The following NID1 variants were observed in gnomAD, a reference collection of about 807,000 sequenced individuals.
The protein encoded by NID1 is nidogen 1.
NID1 carries 76 observed loss-of-function variants against 130.6 expected under a neutral mutation model. The observed-to-expected ratio is 0.58, with a 90% confidence interval of 0.48 to 0.70. The LOEUF (loss-of-function observed/expected upper bound fraction) is 0.70. Ranked by LOEUF, NID1 falls within the 30% of genes least tolerant of loss-of-function variation. The probability of loss-of-function intolerance (pLI) is 0.00; values close to 1 mark genes in which losing one functional copy is unlikely to be tolerated. For synonymous variants in NID1, 665 were observed against 675.1 expected, an observed-to-expected ratio of 0.98 and a Z score of 0.23; for missense variants, 1,517 against 1,664.8, an observed-to-expected ratio of 0.91 and a Z score of 1.54.
chr1:235,993,763 A>T lies in NID1; in HGVS notation c.2637T>A (p.Asp879Glu), dbSNP rs936095860. 4 of 1,614,042 alleles carry T rather than the reference A, an allele frequency of 2.5e-6. No homozygotes were observed. Among genetic ancestry groups the T allele is most frequent in the Non-Finnish European group, 3.4e-6 (4 of 1,179,998 alleles). ...GGGTGGGCGCGTAGTGCCCGTGCGCATCGCACTCAGGAACGAACAGCCCCG... is the reference window on the plus strand; with the variant it reads ...GGGTGGGCGCGTAGTGCCCGTGCGCTTCGCACTCAGGAACGAACAGCCCCG... ...IPPGLFVPEC[D>E]AHGHYAPTQC... Residue 879 changes from aspartate (D) to glutamate (E), a missense_variant, in exon 13 of 20, where the codon GAT becomes GAA. Around this residue, in one of 3 missense-constraint regions of NID1, gnomAD observed 1,329 missense variants for 1,429.2 expected, o/e 0.93. Transcript: ENST00000264187.
intron 1 of NID1, chr1:236,064,520 A>C: frequency 3.7e-6 from 1 of 272,340 alleles, no homozygotes; most frequent in South Asian, 4.5e-5. Flanking sequence ...CCCCGAAGGG[A>C]CTGGACAGCC....
chr1:236,039,997 C>T (rs1028647377), intron 4 of NID1, among the ~76,000 whole-genome samples: 1 of 152,154 alleles, frequency 6.6e-6, no homozygotes, highest in African/African-American at 2.4e-5. Context: ...GACAGGAAAA[C>T]ATCTGTTTTA....
intron 1 of NID1, among the ~76,000 whole-genome samples, chr1:236,052,886 G>A (rs559260574): frequency 6.6e-6 from 1 of 151,980 alleles, no homozygotes; most frequent in Non-Finnish European, 1.5e-5. Flanking sequence ...ACTGGAATAA[G>A]CAGCTGGAAA....
intron 2 of NID1, among the ~76,000 whole-genome samples, chr1:236,047,908 C>T (rs1162075370): frequency 6.6e-6 from 1 of 151,328 alleles, no homozygotes; most frequent in African/African-American, 2.4e-5. Context: ...TGCCTGTAAT[C>T]CCAGCTACTC....
At chr1:236,061,045 A>AT (rs1660023708) in intron 1 of NID1, among the ~76,000 whole-genome samples, 1 of 152,254 alleles carries the variant, frequency 6.6e-6, no homozygotes, top group African/African-American at 2.4e-5. Flanking sequence ...AATGAACAGT[A>AT]TATCAGTGTT....
rs761195970 is a variant in NID1 at position 235,980,615 on chromosome 1, T to C, written c.3266A>G (p.Lys1089Arg). The C allele has an allele frequency of 1.9e-6, 3 of 1,614,060 alleles. No homozygotes were observed. The highest frequency in any genetic ancestry group is 2.7e-5 in the African/African-American group (2 of 74,912). Residue 1089 changes from lysine to arginine, a missense_variant, in exon 17 of 20, where the codon AAG (lysine) becomes AGG (arginine). Around this residue, in one of 3 missense-constraint regions of NID1, gnomAD observed 181 missense variants for 211.3 expected, o/e 0.86. Coordinates refer to ENST00000264187, the MANE Select transcript of NID1 (RefSeq NM_002508.3). ...YWTDWNRDNP[K>R]IETSYMDGTN... ...GCCGTCCATGTAGGAAGTTTCAATC[T>C]TGGGGTTATCTCTGTTCCAGTCTGT... is the stretch of plus-strand genomic sequence containing the variant.
At chr1:235,982,870 G>T (rs1558420302) in intron 15 of NID1, among the ~76,000 whole-genome samples, 2 of 151,904 alleles carry the variant, frequency 1.3e-5, no homozygotes, top group African/African-American at 4.8e-5. Context: ...AATACTGTGG[G>T]TTTTTTTGTT....
chr1:236,051,426 C>A (rs1212247875), intron 1 of NID1, among the ~76,000 whole-genome samples: 1 of 152,298 alleles, frequency 6.6e-6, no homozygotes, highest in African/African-American at 2.4e-5. Flanking sequence ...GTTCAATGTG[C>A]AGAACCGATT....
At chr1:235,996,928 G>A (rs567881023) in intron 12 of NID1, among the ~76,000 whole-genome samples, 2 of 151,958 alleles carry the variant, frequency 1.3e-5, no homozygotes, top group South Asian at 2.1e-4. Context: ...TCTGCCTCCC[G>A]GGTTCAAGCG....
At position 236,017,011 on chromosome 1, in the gene NID1, T is replaced by C. The variant is rs937660348; in HGVS notation, c.2254+137A>G. ...ATAGTTGGAGGGCAGAGGCTAAGTC[T>C]GATTCATCTTTATAAATTGCTCTTC... On this transcript the variant is annotated intron_variant, in intron 10 of 19. Coordinates refer to ENST00000264187, the MANE Select transcript of NID1 (RefSeq NM_002508.3). 10 of 1,103,030 alleles carry C rather than the reference T, an allele frequency of 9.1e-6. No homozygotes were observed. In the African/African-American group the frequency reaches 1.4e-4, roughly 15 times the overall value. The allele number at this position is 1,103,030 out of a possible 1,614,324, so 68.3% of individuals were successfully genotyped here.
intron 14 of NID1, 135 bp downstream of exon 14, chr1:235,990,751 T>G: frequency 1.1e-6 from 1 of 890,512 alleles, no homozygotes; most frequent in Non-Finnish European, 1.8e-6. Flanking sequence ...CTAGAGATGG[T>G]CACCCAGGAC....
Position 236,042,187 on chromosome 1 carries a change from C to T in NID1, c.858G>A (p.Gly286=). 3.1e-6 allele frequency: 5 copies of T among 1,613,942 alleles called. No individual in the cohort carries two copies. Among genetic ancestry groups the T allele is most frequent in the Non-Finnish European group, 4.2e-6 (5 of 1,180,024 alleles). Residue 286 remains glycine, a synonymous_variant, in exon 4 of 20, where the codon GGG becomes GGA. Transcript: ENST00000264187. ...CTTCATCCTCATCATCATACTCTGC[C>T]CCATCTTCAGTTCCGAGGATCACGT... ...PADVILGTED[G]AEYDDEDEDY...
At position 235,985,453 on chromosome 1, in the gene NID1, C is replaced by A. The variant is rs764771388; in HGVS notation, c.2981G>T (p.Trp994Leu). ...AATGGAAGGCTCAGTGATGTCCGTC[C>A]AGTAAACCATCTTGTCCACGCAGTC... ...AFDCVDKMVY[W>L]TDITEPSIGR... Residue 994 changes from tryptophan to leucine, a missense_variant, in exon 15 of 20, where the codon TGG becomes TTG. Around this residue, in one of 3 missense-constraint regions of NID1, gnomAD observed 1,329 missense variants for 1,429.2 expected, o/e 0.93. Coordinates refer to ENST00000264187, the MANE Select transcript of NID1 (RefSeq NM_002508.3). The A allele has an allele frequency of 6.2e-7, 1 of 1,614,018 alleles. No homozygotes were observed. Among genetic ancestry groups the A allele is most frequent in the African/African-American group, 1.3e-5 (1 of 74,932 alleles).
At chr1:236,018,232 C>T (rs1658658135) in intron 9 of NID1, among the ~76,000 whole-genome samples, 1 of 152,204 alleles carries the variant, frequency 6.6e-6, no homozygotes. Context: ...CTTCCTTTAG[C>T]TATTAACTTG....
intron 15 of NID1, among the ~76,000 whole-genome samples, chr1:235,983,822 A>G (rs1175306277): frequency 1.3e-5 from 2 of 152,132 alleles, no homozygotes; most frequent in African/African-American, 4.8e-5. Context: ...TTTTAGAGAT[A>G]CTTGGTTGGG....
chr1:236,019,609 C>T (rs1658696439), intron 9 of NID1, among the ~76,000 whole-genome samples: 1 of 152,200 alleles, frequency 6.6e-6, no homozygotes, highest in Non-Finnish European at 1.5e-5. Flanking sequence ...CCTAGCACAA[C>T]CTCCACCTCC....
At chr1:236,038,574 A>G (rs1659330735) in intron 4 of NID1, among the ~76,000 whole-genome samples, 1 of 151,946 alleles carries the variant, frequency 6.6e-6, no homozygotes, top group South Asian at 2.1e-4. Context: ...GTGCTATCCA[A>G]TAGCAATCTC....
At chr1:236,004,761 CAA>C (rs61480988) in intron 12 of NID1, among the ~76,000 whole-genome samples, 5 of 67,414 alleles carry the variant, frequency 7.4e-5, no homozygotes, top group East Asian at 4.0e-4. Flanking sequence ...GACTCTGTCT[CAA>C]AAAAAAAAAA....
chr1:235,991,172 C>T, intron 13 of NID1, 114 bp from the exon 14 acceptor site: 1 of 792,224 alleles, frequency 1.3e-6, no homozygotes, highest in Non-Finnish European at 1.9e-6. Flanking sequence ...CACACCCACA[C>T]ATCAGGTCAC....
Sources: gnomAD v4.1 joint callset for allele counts (sites outside exome capture counted in the v4.1 genomes callset) on GRCh38, gnomAD v4.1.1 for gene constraint, gnomAD v4.1.1 regional missense constraint, MANE v1.5 for transcripts, NCBI Gene and HGNC (gene_info 2026-07-23, HGNC 2026-07-21) for gene names.